The following SGCZ variants were observed in gnomAD, a reference collection of about 807,000 sequenced individuals.
SGCZ encodes sarcoglycan zeta.
SGCZ carries 40 observed loss-of-function variants against 41.3 expected under a neutral mutation model. The observed-to-expected ratio is 0.97, with a 90% CI of 0.75 to 1.26. The LOEUF is 1.26. Among genes scored for constraint, SGCZ ranks in the 50% most tolerant of loss-of-function variants. The probability of loss-of-function intolerance (pLI) is 0.00; values close to 1 mark genes in which losing one functional copy is unlikely to be tolerated. For synonymous variants in SGCZ, 206 were observed against 137.5 expected (o/e 1.50, Z -3.49); for missense variants, 552 against 369.8 (o/e 1.49, Z -4.04).
intron 5 of SGCZ, among the ~76,000 whole-genome samples, chr8:14,146,890 A>AAAAATAATAATAAT (rs1182329393): frequency 8.6e-6 from 1 of 116,184 alleles, no homozygotes; most frequent in Non-Finnish European, 1.8e-5. Flanking sequence ...AAAATAAAAA[A>AAAAATAATAATAAT]AATAATAATA....
chr8:14,337,034 C>A (rs571648529), intron 2 of SGCZ, among the ~76,000 whole-genome samples: 1 of 152,084 alleles, frequency 6.6e-6, no homozygotes, highest in Non-Finnish European at 1.5e-5. Flanking sequence ...CCTATTTTCC[C>A]AATTACTGGG....
At chr8:14,301,246 G>C (rs146273903) in intron 3 of SGCZ, among the ~76,000 whole-genome samples, 54 of 152,044 alleles carry the variant, frequency 3.6e-4, no homozygotes, top group African/African-American at 1.2e-3. Flanking sequence ...TTTAAGCTAA[G>C]AGTCTACATC....
chr8:14,695,978 A>T (rs1334642229), intron 1 of SGCZ, among the ~76,000 whole-genome samples: 2 of 152,168 alleles, frequency 1.3e-5, no homozygotes, highest in African/African-American at 4.8e-5. Context: ...TACAATTACC[A>T]TATCAGTGAA....
At chr8:14,202,636 T>A (rs11990101) in intron 4 of SGCZ, among the ~76,000 whole-genome samples, 8,852 of 152,234 alleles carry the variant, frequency 0.058, 551 homozygotes, top group African/African-American at 0.16. Flanking sequence ...TTAAGATGTT[T>A]CCATTGATCT....
intron 1 of SGCZ, among the ~76,000 whole-genome samples, chr8:14,645,112 C>T (rs1003577549): frequency 1.3e-5 from 2 of 151,448 alleles, no homozygotes; most frequent in Non-Finnish European, 3.0e-5. Context: ...GTTTGAAAAC[C>T]ATTGATCTAT....
intron 1 of SGCZ, among the ~76,000 whole-genome samples, chr8:15,177,182 A>G (rs191341865): frequency 1.2e-3 from 189 of 152,344 alleles, no homozygotes; most frequent in African/African-American, 4.3e-3. Flanking sequence ...TTGAAATCAA[A>G]TGAAAAGACA....
chr8:14,609,214 C>CA (rs1805850420), intron 1 of SGCZ, among the ~76,000 whole-genome samples: 1 of 152,002 alleles, frequency 6.6e-6, no homozygotes, highest in African/African-American at 2.4e-5. Flanking sequence ...TTATTACTTA[C>CA]AAATAAATGA....
chr8:14,712,224 C>T (rs1050997455), intron 1 of SGCZ, among the ~76,000 whole-genome samples: 1 of 152,214 alleles, frequency 6.6e-6, no homozygotes, highest in African/African-American at 2.4e-5. Flanking sequence ...TTTGAGAATA[C>T]CTTATAAAAG....
chr8:15,097,239 C>T (rs1032647642), intron 1 of SGCZ, among the ~76,000 whole-genome samples: 11 of 152,130 alleles, frequency 7.2e-5, no homozygotes, highest in African/African-American at 2.7e-4. Context: ...TACTCTAATG[C>T]ACATACTTGT....
At chr8:14,822,992 T>A (rs1585292612) in intron 1 of SGCZ, among the ~76,000 whole-genome samples, 1 of 143,826 alleles carries the variant, frequency 7.0e-6, no homozygotes, top group Non-Finnish European at 1.5e-5. Context: ...AGGCAGAGAT[T>A]GCAGTAAGCC....
Position 14,706,974 on chromosome 8 carries a change from G to T in SGCZ, c.40-152048C>A, listed in dbSNP as rs538961212. 2.2e-3 allele frequency among the ~76,000 whole-genome samples: 325 copies of T among 147,032 alleles called. 1 individual carries two copies. The highest frequency in any genetic ancestry group is 0.012 in the South Asian group (57 of 4,654). On this transcript the variant is annotated intron_variant, in intron 1 of 7. Transcript: ENST00000382080. ...TTACAAAACTTTATGTTGTCATTTA[G>T]TCAATTCTTTTTTTTTTTTTTAAGA...
At chr8:14,404,763 C>T (rs1799166068) in intron 2 of SGCZ, among the ~76,000 whole-genome samples, 1 of 152,166 alleles carries the variant, frequency 6.6e-6, no homozygotes, top group Non-Finnish European at 1.5e-5. Flanking sequence ...CTGGTTTTTG[C>T]TCTGCTCTTA....
chr8:14,197,365 A>T (rs1256035756), intron 4 of SGCZ, among the ~76,000 whole-genome samples: 1 of 152,124 alleles, frequency 6.6e-6, no homozygotes, highest in African/African-American at 2.4e-5. Context: ...CCTTCATGAA[A>T]GAAGAACATC....
At chr8:14,983,077 G>A (rs1457665859) in intron 1 of SGCZ, among the ~76,000 whole-genome samples, 4 of 152,080 alleles carry the variant, frequency 2.6e-5, no homozygotes, top group African/African-American at 9.7e-5. Context: ...TTGTTCTGGG[G>A]ATTCAATGAG....
intron 5 of SGCZ, among the ~76,000 whole-genome samples, chr8:14,124,158 G>C (rs1802781888): frequency 1.3e-5 from 2 of 152,144 alleles, no homozygotes; most frequent in Non-Finnish European, 2.9e-5. Flanking sequence ...TGTTTTGTAA[G>C]CTGCTAAATT....
At chr8:15,220,696 A>C (rs1428540865) in intron 1 of SGCZ, among the ~76,000 whole-genome samples, 1 of 152,156 alleles carries the variant, frequency 6.6e-6, no homozygotes, top group Non-Finnish European at 1.5e-5. Flanking sequence ...TCATTCTACT[A>C]TAAAGACACA....
At chr8:14,596,893 C>T (rs1158350768) in intron 1 of SGCZ, among the ~76,000 whole-genome samples, 1 of 152,028 alleles carries the variant, frequency 6.6e-6, no homozygotes, top group African/African-American at 2.4e-5. Flanking sequence ...CCATGTGTTT[C>T]TGTTAAAAAT....
At chr8:14,234,423 A>T (rs1029308629) in intron 4 of SGCZ, among the ~76,000 whole-genome samples, 6 of 152,064 alleles carry the variant, frequency 3.9e-5, no homozygotes, top group African/African-American at 1.4e-4. Context: ...TATATTTTTG[A>T]GGAAAAATGG....
intron 4 of SGCZ, among the ~76,000 whole-genome samples, chr8:14,231,812 A>G (rs989177589): frequency 2.6e-5 from 4 of 152,150 alleles, no homozygotes; most frequent in Non-Finnish European, 5.9e-5. Flanking sequence ...TGTTTCTCAT[A>G]AGATCATATG....
Sources: allele counts gnomAD v4.1 joint callset (sites outside exome capture counted in the v4.1 genomes callset), GRCh38; gene constraint gnomAD v4.1.1; transcripts MANE v1.5; gene names NCBI Gene and HGNC (gene_info 2026-07-23, HGNC 2026-07-21).